The following L2HGDH variants were observed in gnomAD, a reference collection of about 807,000 sequenced individuals.
L2HGDH encodes L-2-hydroxyglutarate dehydrogenase.
Under a neutral mutation model 51.5 loss-of-function variants are expected in L2HGDH, and 34 were observed. The ratio of observed to expected loss-of-function variants is 0.66; its 90% CI spans 0.50 to 0.88. L2HGDH has a LOEUF of 0.88. Among genes scored for constraint, L2HGDH ranks in the 40% least tolerant of loss-of-function variants. The probability of loss-of-function intolerance (pLI) is 0.00; values close to 1 mark genes in which losing one functional copy is unlikely to be tolerated. For synonymous variants in L2HGDH, 198 were observed against 197.9 expected (o/e 1.00, Z -0.01); for missense variants, 558 against 571.9 (o/e 0.98, Z 0.25).
At chr14:50,303,489 A>G (rs1277216018) in intron 1 of L2HGDH, among the ~76,000 whole-genome samples, 1 of 149,888 alleles carries the variant, frequency 6.7e-6, no homozygotes, top group Non-Finnish European at 1.5e-5. Flanking sequence ...AAGTTATACT[A>G]ATCAAGCCTG....
intron 4 of L2HGDH, among the ~76,000 whole-genome samples, chr14:50,289,302 T>C (rs74735522): frequency 0.014 from 2,192 of 152,136 alleles, 38 homozygotes; most frequent in Middle Eastern, 0.068. Flanking sequence ...ATAAACAGAA[T>C]AAAATAATAA....
chr14:50,302,272 G>T, intron 2 of L2HGDH, 104 bp from the exon 3 acceptor site: 1 of 1,220,668 alleles, frequency 8.2e-7, no homozygotes, highest in Non-Finnish European at 1.2e-6. Flanking sequence ...ACCACATCAT[G>T]TAAAATTCTG....
At chr14:50,282,122 G>T (rs568363768) in intron 5 of L2HGDH, among the ~76,000 whole-genome samples, 28 of 152,222 alleles carry the variant, frequency 1.8e-4, no homozygotes, top group African/African-American at 6.3e-4. Flanking sequence ...TTACAGGTGT[G>T]AGCCACTGCA....
chr14:50,278,524 G>C lies in L2HGDH; in HGVS notation c.734C>G (p.Thr245Arg). The C allele has an allele frequency of 6.7e-7, 1 of 1,498,450 alleles. No homozygotes were observed. The highest frequency in any genetic ancestry group is 9.2e-7 in the Non-Finnish European group (1 of 1,082,182). 92.8% of individuals were successfully genotyped at this position (1,498,450 alleles called of 1,614,324 possible). ...GMQYPIVIKN[T>R]KGEEIRCQYV... ...GTTTTGCTTAAGAATCTTTACCTTT[G>C]TATTCTTTATAACAATTGGATATTG... The change falls in exon 6 of 10, where the codon ACA (threonine) becomes AGA (arginine). Residue 245 changes from threonine to arginine, a missense_variant. Coordinates refer to ENST00000267436, the MANE Select transcript of L2HGDH (RefSeq NM_024884.3).
At chr14:50,269,089 G>A (rs1022086664) in intron 7 of L2HGDH, 74 bp downstream of exon 7, 4 of 1,257,678 alleles carry the variant, frequency 3.2e-6, no homozygotes, top group Non-Finnish European at 4.6e-6. Flanking sequence ...TGACCCAAGT[G>A]AAAGTTGTTT....
chr14:50,261,351 A>G (rs1304653340), intron 9 of L2HGDH, among the ~76,000 whole-genome samples: 1 of 152,234 alleles, frequency 6.6e-6, no homozygotes, highest in East Asian at 1.9e-4. Context: ...CACAGAAGAC[A>G]TTTTCCAAAT....
In L2HGDH at chr14:50,289,704, T is replaced by C. The variant is rs1013257894; in HGVS notation, c.540+4411A>G. On this transcript the variant is annotated intron_variant, in intron 4 of 9. Transcript: ENST00000267436. ...GCATATAATAATATATACCATTTCTTAAGGGATTAACGTTTAGCCGAATGC... is the reference window on the plus strand; with the variant it reads ...GCATATAATAATATATACCATTTCTCAAGGGATTAACGTTTAGCCGAATGC... 3.9e-5 allele frequency among the ~76,000 whole-genome samples: 6 copies of C among 152,348 alleles called. No homozygotes were observed. The South Asian group carries it at 1.0e-3, about 26-fold the overall frequency.
chr14:50,302,869 A>C (rs1397524638), intron 2 of L2HGDH, 33 bp downstream of exon 2: 2 of 1,401,926 alleles, frequency 1.4e-6, no homozygotes, highest in Non-Finnish European at 2.0e-6. Context: ...ATGCCCAAGT[A>C]AGCCCAAAGA....
rs986673236 is a variant in L2HGDH at position 50,244,782 on chromosome 14, T to C, written c.*2276A>G. On this transcript the variant is annotated 3_prime_UTR_variant, in exon 10 of 10. Transcript: ENST00000267436. ...GGAAAAGGAAGAAAACAGAAACATT[T>C]TTCCTATCAACCAAAATGCACATCC... is the stretch of plus-strand genomic sequence containing the variant. 2.6e-5 allele frequency: 26 copies of C among 985,244 alleles called. No individual in the cohort carries two copies. The highest frequency in any genetic ancestry group is 8.7e-5 in the African/African-American group (5 of 57,192). 61.0% of individuals were successfully genotyped at this position (985,244 alleles called of 1,614,324 possible).
Position 50,312,010 on chromosome 14 carries a change from C to T in L2HGDH, c.140+1G>A, listed in dbSNP as rs987702231. 3 of 1,562,146 alleles carry T rather than the reference C, an allele frequency of 1.9e-6. No individual in the cohort carries two copies. The highest frequency in any genetic ancestry group is 2.6e-6 in the Non-Finnish European group (3 of 1,155,990). ...GGCGGGGAGGACCAGCGGCCACTCA[C>T]CTGGTGCTGGCGCTGCGGCTACCTC... On this transcript the variant is annotated splice_donor_variant, in intron 1 of 9. Coordinates refer to ENST00000267436, the MANE Select transcript of L2HGDH (RefSeq NM_024884.3). LOFTEE classifies it high-confidence loss of function.
Position 50,267,839 on chromosome 14 carries a change from C to A in L2HGDH, c.978G>T (p.Gly326=), listed in dbSNP as rs1889433551. ...TPRMDGSIWL[G]PNAVLAFKRE... is the part of the protein sequence containing the mutation. ...GTTTAAAGGCAAGAACTGCATTAGG[C>A]CCTAGCCAAATACTGCCATCCATCC... Residue 326 remains glycine, a synonymous_variant, in exon 8 of 10, where the codon GGG becomes GGT. Transcript: ENST00000267436. 6.2e-7 allele frequency: 1 copy of A among 1,613,804 alleles called. No individual in the cohort carries two copies. The highest frequency in any genetic ancestry group is 8.5e-7 in the Non-Finnish European group (1 of 1,179,818).
At chr14:50,300,923 C>T (rs955263793) in intron 3 of L2HGDH, among the ~76,000 whole-genome samples, 4 of 152,144 alleles carry the variant, frequency 2.6e-5, no homozygotes, top group African/African-American at 9.7e-5. Context: ...CTCCCAGGCT[C>T]AAGCAGTCCT....
chr14:50,309,561 T>TA (rs11375606), intron 1 of L2HGDH, among the ~76,000 whole-genome samples: 78,255 of 145,468 alleles, frequency 0.54, 20,774 homozygotes, highest in East Asian at 0.66. Context: ...GACTTCGTGT[T>TA]AAAAAAAAAA....
At chr14:50,310,898 C>T (rs1007497432) in intron 1 of L2HGDH, among the ~76,000 whole-genome samples, 14 of 150,086 alleles carry the variant, frequency 9.3e-5, no homozygotes, top group African/African-American at 3.2e-4. Context: ...AGAACATCAA[C>T]ATTTAATTAT....
intron 9 of L2HGDH, among the ~76,000 whole-genome samples, chr14:50,259,516 T>C (rs983294873): frequency 6.6e-6 from 1 of 151,658 alleles, no homozygotes; most frequent in African/African-American, 2.4e-5. Context: ...GGCCTCAATG[T>C]GTATTTCTTT....
At chr14:50,247,315 G>A (rs1224427960) in intron 9 of L2HGDH, 62 bp from the exon 10 acceptor site, 50 of 1,572,712 alleles carry the variant, frequency 3.2e-5, no homozygotes, top group East Asian at 9.1e-5. Flanking sequence ...ACAAGTCAGC[G>A]TTTCCAAAAA....
In L2HGDH at chr14:50,242,651, G is replaced by A. The variant is rs1887850849; in HGVS notation, c.*4407C>T. On this transcript the variant is annotated 3_prime_UTR_variant, in exon 10 of 10. Coordinates refer to ENST00000267436, the MANE Select transcript of L2HGDH (RefSeq NM_024884.3). ...AGTACAAACTATTTGAAAACATCTC[G>A]AGGCAGCTTTTGCTTTCCCAACCAT... 1.3e-5 allele frequency: 13 copies of A among 985,208 alleles called. No homozygotes were observed. Among genetic ancestry groups the A allele is most frequent in the South Asian group, 4.7e-5 (1 of 21,286 alleles). The allele number at this position is 985,208 out of a possible 1,614,324, so 61.0% of individuals were successfully genotyped here. A position where few individuals can be genotyped will look rare whatever the true frequency, so the allele number is the denominator to read the frequency against.
chr14:50,303,781 CA>C (rs59420070), intron 1 of L2HGDH, among the ~76,000 whole-genome samples: 598 of 29,704 alleles, frequency 0.02, 1 homozygote, highest in Middle Eastern at 0.038. Flanking sequence ...GACCCTGTCT[CA>C]AAAAAAAAAA....
In L2HGDH at chr14:50,267,761, A is replaced by G; in HGVS notation, c.1056T>C (p.Ile352=). Residue 352 remains isoleucine, a synonymous_variant, in exon 8 of 10, where the codon ATT becomes ATC. Transcript: ENST00000267436. ...AAAATAAATAATGTTACCTATTGATAATTATATCCATAACATCTGTGGCAC... is the reference window on the plus strand; with the variant it reads ...AAAATAAATAATGTTACCTATTGATGATTATATCCATAACATCTGTGGCAC... ...DFSATDVMDI[I]INSGLIKLAS... 6.2e-7 allele frequency: 1 copy of G among 1,608,624 alleles called. No homozygotes were observed. The highest frequency in any genetic ancestry group is 1.3e-5 in the African/African-American group (1 of 74,934).
Sources: gnomAD v4.1 joint callset for allele counts (sites outside exome capture counted in the v4.1 genomes callset) on GRCh38, gnomAD v4.1.1 for gene constraint, MANE v1.5 for transcripts, NCBI Gene and HGNC (gene_info 2026-07-23, HGNC 2026-07-21) for gene names.